TSFM: variants seen among roughly 807,000 people sequenced by gnomAD.
The protein encoded by TSFM is Ts translation elongation factor, mitochondrial, also known as elongation factor Ts, mitochondrial.
A neutral mutation model predicts 33.4 loss-of-function variants in TSFM; 29 were observed. The observed-to-expected ratio is 0.87, with a 90% CI of 0.65 to 1.18. The LOEUF (loss-of-function observed/expected upper bound fraction) is 1.18. TSFM is among the 50% of genes most tolerant of loss of function. The pLI is 0.00. For synonymous variants in TSFM, 178 were observed against 163.5 expected, an observed-to-expected ratio of 1.09 and a Z score of -0.68; for missense variants, 394 against 395.6, an observed-to-expected ratio of 1.00 and a Z score of 0.04.
chr12:57,784,274 G>C (rs1247501021), intron 2 of TSFM: 3 of 614,174 alleles, frequency 4.9e-6, no homozygotes, highest in Non-Finnish European at 8.7e-6. Flanking sequence ...GAGCTTGCAG[G>C]ACTGGAAGTT....
chr12:57,792,818 C>G (rs1955681287), intron 4 of TSFM, among the ~76,000 whole-genome samples, 168 bp from the exon 5 acceptor site: 1 of 152,226 alleles, frequency 6.6e-6, no homozygotes, highest in Non-Finnish European at 1.5e-5. Context: ...TCTCAAACTC[C>G]TGACCTCAGG....
At chr12:57,791,302 G>A (rs1259762349) in intron 4 of TSFM, among the ~76,000 whole-genome samples, 1 of 152,034 alleles carries the variant, frequency 6.6e-6, no homozygotes, top group African/African-American at 2.4e-5. Context: ...GGGCCACCGC[G>A]CCCGGCCGGC....
intron 4 of TSFM, among the ~76,000 whole-genome samples, chr12:57,789,956 A>G (rs1226423899): frequency 6.6e-6 from 1 of 151,712 alleles, no homozygotes; most frequent in East Asian, 1.9e-4. Context: ...CCTTTCCCCA[A>G]CTGTGGAATG....
chr12:57,795,386 C>T (rs1955720288), intron 5 of TSFM, among the ~76,000 whole-genome samples: 1 of 152,096 alleles, frequency 6.6e-6, no homozygotes, highest in South Asian at 2.1e-4. Context: ...AGGCGTGAGC[C>T]ACCACGGCTG....
chr12:57,792,313 C>A (rs1955673277), intron 4 of TSFM, among the ~76,000 whole-genome samples: 1 of 152,218 alleles, frequency 6.6e-6, no homozygotes, highest in South Asian at 2.1e-4. Flanking sequence ...CTTTGGGAGA[C>A]TGAAGCAGGA....
rs575505527 is a variant in TSFM, at chr12:57,791,330, T to G, written c.484-1656T>G. Among the ~76,000 whole-genome samples, 3 of 152,278 alleles carry G rather than the reference T, an allele frequency of 2.0e-5. No homozygotes were observed. The South Asian group carries it at 6.2e-4, about 32-fold the overall frequency. ...CGGCCGGCCAGGTTCAATTTTATTT[T>G]TGAATACATAAGATACATTAAGAAA... On this transcript the variant is annotated intron_variant, in intron 4 of 5. Coordinates refer to ENST00000652027, the MANE Select transcript of TSFM (RefSeq NM_005726.6).
intron 4 of TSFM, among the ~76,000 whole-genome samples, chr12:57,788,469 GT>G (rs1295494917): frequency 6.6e-6 from 1 of 152,012 alleles, no homozygotes; most frequent in Non-Finnish European, 1.5e-5. Context: ...TAAAGACAGA[GT>G]TTCACCATGT....
intron 4 of TSFM, among the ~76,000 whole-genome samples, chr12:57,789,065 G>A (rs918153173): frequency 6.7e-5 from 10 of 149,872 alleles, no homozygotes; most frequent in Admixed American, 1.3e-4. Context: ...CAGTTCAAGC[G>A]ATTCTTCCAC....
downstream of TSFM, among the ~76,000 whole-genome samples, chr12:57,799,458 T>C (rs1469412146): frequency 2.6e-5 from 4 of 152,188 alleles, no homozygotes; most frequent in Non-Finnish European, 5.9e-5. Flanking sequence ...GGCCGTGCCA[T>C]ATATTTTAAA....
At chr12:57,794,028 G>T (rs1955698819) in intron 5 of TSFM, among the ~76,000 whole-genome samples, 1 of 152,200 alleles carries the variant, frequency 6.6e-6, no homozygotes, top group South Asian at 2.1e-4. Context: ...GTAGGGAAGG[G>T]TTGGAGCTTG....
chr12:57,783,842 C>G, intron 2 of TSFM: 1 of 648,720 alleles, frequency 1.5e-6, no homozygotes, highest in African/African-American at 1.8e-5. Flanking sequence ...TCTCGAACTC[C>G]TGGCCTCAGG....
downstream of TSFM, chr12:57,802,416 A>G (rs1955869019): frequency 1.3e-5 from 19 of 1,497,672 alleles, no homozygotes; most frequent in South Asian, 2.2e-4. Flanking sequence ...GATCATACAC[A>G]TTACCCTATC....
At chr12:57,784,789 A>G (rs1337531262) in intron 2 of TSFM, among the ~76,000 whole-genome samples, 1 of 151,646 alleles carries the variant, frequency 6.6e-6, no homozygotes, top group Non-Finnish European at 1.5e-5. Context: ...CTGAGGTAGG[A>G]TAATCTCTTG....
intron 5 of TSFM, among the ~76,000 whole-genome samples, chr12:57,795,070 T>C (rs1370858834): frequency 3.0e-5 from 4 of 132,668 alleles, no homozygotes; most frequent in African/African-American, 1.0e-4. Context: ...TAGTTAATGC[T>C]CCATATATAT....
rs867777764 is a variant in TSFM at position 57,782,857 on chromosome 12, C to A, written c.56C>A (p.Pro19Gln). 1 of 1,592,754 alleles carries A rather than the reference C, an allele frequency of 6.3e-7. No individual in the cohort carries two copies. Among genetic ancestry groups the A allele is most frequent in the Non-Finnish European group, 8.5e-7 (1 of 1,170,422 alleles). ...CTGGTCGCGCGGACCGGGAGCTACC[C>A]GGTGAGAAGTCCTGGTGCTGGTACC... The part of the protein sequence containing the change: ...VFLVARTGSY[P>Q]AGSLLRQSPQ... Residue 19 changes from proline to glutamine, a missense_variant and splice_region_variant, in exon 1 of 6, where the codon CCG (proline) becomes CAG (glutamine). By Grantham distance (76) the Pro-to-Gln change is moderately conservative. Transcript: ENST00000652027.
chr12:57,788,615 T>A (rs1191929897), intron 4 of TSFM, among the ~76,000 whole-genome samples: 1 of 152,108 alleles, frequency 6.6e-6, no homozygotes, highest in East Asian at 1.9e-4. Context: ...TTTATTAACA[T>A]TTTGCTGTAT....
At position 57,796,206 on chromosome 12, in the gene TSFM, C is replaced by T. The variant is rs768320625; in HGVS notation, c.601C>T (p.Arg201Ter). 11 of 1,582,052 alleles carry T rather than the reference C, an allele frequency of 7.0e-6. No homozygotes were observed. The highest frequency in any genetic ancestry group is 1.9e-5 in the Admixed American group (1 of 53,582). ...ACTGGGAGAAAACATGATTCTTAAA[C>T]GAGCTGCATGGGTGAAGGTGCCATC... ...GKLGENMILK[R>*]AAWVKVPSGF... is the part of the protein sequence containing the mutation. Residue 201 changes from arginine to a stop codon, truncating the protein, a stop_gained, in exon 6 of 6, where the codon CGA becomes TGA. Coordinates refer to ENST00000652027, the MANE Select transcript of TSFM (RefSeq NM_005726.6). LOFTEE classifies it high-confidence loss of function.
chr12:57,789,244 G>A (rs994716493), intron 4 of TSFM, among the ~76,000 whole-genome samples: 1 of 152,028 alleles, frequency 6.6e-6, no homozygotes, highest in Non-Finnish European at 1.5e-5. Flanking sequence ...GATTACAGGC[G>A]TGAGCCACTG....
chr12:57,787,332 G>C (rs1315536749), intron 4 of TSFM, among the ~76,000 whole-genome samples, 170 bp downstream of exon 4: 1 of 152,118 alleles, frequency 6.6e-6, no homozygotes, highest in Non-Finnish European at 1.5e-5. Flanking sequence ...CCCGTGTCAT[G>C]CTGCATTTAA....
Sources: gnomAD v4.1 joint callset for allele counts (sites outside exome capture counted in the v4.1 genomes callset) on GRCh38, gnomAD v4.1.1 for gene constraint, MANE v1.5 for transcripts, NCBI Gene and HGNC (gene_info 2026-07-23, HGNC 2026-07-21) for gene names.